The following GPR174 variants were observed in gnomAD, a reference collection of about 807,000 sequenced individuals.
The protein encoded by GPR174 is G protein-coupled receptor 174.
A neutral mutation model predicts 16.5 loss-of-function variants in GPR174; 8 were observed. The ratio of observed to expected loss-of-function variants is 0.48; its 90% CI spans 0.28 to 0.87. The LOEUF is 0.87. GPR174 is among the 40% of genes least tolerant of loss of function. The probability of loss-of-function intolerance (pLI) is 0.09; values close to 1 mark genes in which losing one functional copy is unlikely to be tolerated. For synonymous variants in GPR174, 111 were observed against 94.8 expected (o/e 1.17, Z -0.99); for missense variants, 214 against 247.5 (o/e 0.86, Z 0.91).
intron 1 of GPR174, among the ~76,000 whole-genome samples, chrX:79,156,408 C>G (rs1041269208): frequency 1.8e-5 from 2 of 112,411 alleles, no homozygotes; most frequent in Non-Finnish European, 3.8e-5. Context: ...ATCAATGAAA[C>G]AGTTATGGTC....
intron 2 of GPR174, among the ~76,000 whole-genome samples, chrX:79,166,586 G>A (rs1227638632): frequency 9.3e-6 from 1 of 107,880 alleles, no homozygotes; most frequent in African/African-American, 3.4e-5. Flanking sequence ...TTACAGGCGT[G>A]TGCCACCACA....
intron 1 of GPR174, among the ~76,000 whole-genome samples, chrX:79,145,885 C>T (rs1422217162): frequency 9.0e-6 from 1 of 111,283 alleles, no homozygotes; most frequent in Non-Finnish European, 1.9e-5. Flanking sequence ...GGCACAGTTG[C>T]TCTGTTTTTC....
At chrX:79,148,083 G>A (rs1288507770) in intron 1 of GPR174, among the ~76,000 whole-genome samples, 2 of 111,747 alleles carry the variant, frequency 1.8e-5, no homozygotes, top group Non-Finnish European at 3.8e-5. Context: ...TATGGGTCAA[G>A]AAGTTCACTA....
intron 2 of GPR174, among the ~76,000 whole-genome samples, chrX:79,158,731 C>T (rs754642150): frequency 6.7e-4 from 69 of 103,701 alleles, no homozygotes; most frequent in Middle Eastern, 5.3e-3. Context: ...TGTGAGCCAC[C>T]GCACCCAGCC....
At chrX:79,154,329 T>C (rs763306334) in intron 1 of GPR174, among the ~76,000 whole-genome samples, 1 of 112,281 alleles carries the variant, frequency 8.9e-6, no homozygotes, top group Non-Finnish European at 1.9e-5. Context: ...ATGTCCTGGA[T>C]ACTATCTTCT....
intron 2 of GPR174, among the ~76,000 whole-genome samples, chrX:79,161,967 T>C (rs1179152198): frequency 8.9e-6 from 1 of 112,181 alleles, no homozygotes; most frequent in African/African-American, 3.2e-5. Context: ...TCTTTGATTG[T>C]AATCCAATGT....
At position 79,171,332 on chromosome X, in the gene GPR174, T is replaced by C. The variant is rs1291469573; in HGVS notation, c.325T>C (p.Leu109=). Reference sequence around the variant, plus strand: ...CAACATGTATGCAAGCATCTACTTCTTGGTCTGCATCAGTGTGCGACGATT... The same window carrying C: ...CAACATGTATGCAAGCATCTACTTCCTGGTCTGCATCAGTGTGCGACGATT... The part of the protein sequence containing the change: ...YVNMYASIYF[L]VCISVRRFWF... Residue 109 remains leucine, a synonymous_variant, in exon 3 of 3, where the codon TTG becomes CTG. Coordinates refer to ENST00000645147, the MANE Select transcript of GPR174 (RefSeq NM_032553.3). The C allele has an allele frequency of 8.3e-7, 1 of 1,210,032 alleles. No individual in the cohort carries two copies. The highest frequency in any genetic ancestry group is 1.1e-6 in the Non-Finnish European group (1 of 895,090).
intron 1 of GPR174, among the ~76,000 whole-genome samples, chrX:79,149,728 T>A (rs1926564557): frequency 9.0e-6 from 1 of 110,704 alleles, no homozygotes; most frequent in African/African-American, 3.3e-5. Context: ...CCTGAGTGAG[T>A]GATCATATAT....
intron 2 of GPR174, among the ~76,000 whole-genome samples, chrX:79,166,345 G>A (rs181768186): frequency 6.5e-4 from 69 of 105,535 alleles, no homozygotes; most frequent in African/African-American, 2.1e-3. Flanking sequence ...TTAAACAGTA[G>A]TCAACAAAAT....
intron 1 of GPR174, among the ~76,000 whole-genome samples, chrX:79,150,640 T>G (rs1363615387): frequency 3.6e-5 from 4 of 111,724 alleles, no homozygotes; most frequent in African/African-American, 1.3e-4. Context: ...TAAAAATTTG[T>G]TTTCAAAATA....
chrX:79,163,265 G>A (rs1019907589), intron 2 of GPR174, among the ~76,000 whole-genome samples: 6 of 112,104 alleles, frequency 5.4e-5, no homozygotes, highest in Admixed American at 9.4e-5. Context: ...GAAATAGGGC[G>A]ATTGTCAAAA....
At chrX:79,160,425 T>C (rs1921208798) in intron 2 of GPR174, among the ~76,000 whole-genome samples, 3 of 112,062 alleles carry the variant, frequency 2.7e-5, no homozygotes, top group African/African-American at 9.7e-5. Flanking sequence ...TTTGGATTCT[T>C]GCTTTTTAAT....
chrX:79,158,207 C>G (rs1241910971), intron 2 of GPR174, among the ~76,000 whole-genome samples: 1 of 105,458 alleles, frequency 9.5e-6, no homozygotes, highest in South Asian at 4.4e-4. Context: ...TTAGGCCACC[C>G]CAGTCTTTCT....
chrX:79,167,395 G>A (rs1921400264), intron 2 of GPR174, among the ~76,000 whole-genome samples: 2 of 111,053 alleles, frequency 1.8e-5, no homozygotes, highest in South Asian at 7.5e-4. Flanking sequence ...CCCTGCCTAA[G>A]TAAAAGGAGA....
chrX:79,166,215 T>C (rs996059398), intron 2 of GPR174, among the ~76,000 whole-genome samples: 1 of 111,699 alleles, frequency 9.0e-6, no homozygotes, highest in Non-Finnish European at 1.9e-5. Flanking sequence ...TTTGGCTACA[T>C]GTAATCCTAA....
chrX:79,147,209 C>T (rs753133517), intron 1 of GPR174, among the ~76,000 whole-genome samples: 6 of 111,126 alleles, frequency 5.4e-5, no homozygotes, highest in Middle Eastern at 4.7e-3. Flanking sequence ...GTGACTGGGT[C>T]AAGTATCTCT....
At chrX:79,164,767 G>A (rs6619490) in intron 2 of GPR174, among the ~76,000 whole-genome samples, 7,390 of 111,372 alleles carry the variant, frequency 0.066, 650 homozygotes, top group East Asian at 0.54. Context: ...AACATGCTAC[G>A]AAGATCCAGA....
intron 1 of GPR174, 69 bp downstream of exon 1, chrX:79,145,286 A>G (rs1926477815): frequency 9.1e-6 from 1 of 110,332 alleles, no homozygotes; most frequent in East Asian, 2.8e-4. Flanking sequence ...CTAGAACTGG[A>G]CTCTTCACAC....
intron 1 of GPR174, 83 bp from the exon 2 acceptor site, chrX:79,156,739 C>T (rs1359163175): frequency 8.9e-6 from 1 of 112,173 alleles, no homozygotes. Flanking sequence ...GGGATCTCAG[C>T]ATCCACTTGC....
Sources: allele counts gnomAD v4.1 joint callset (sites outside exome capture counted in the v4.1 genomes callset), GRCh38; gene constraint gnomAD v4.1.1; transcripts MANE v1.5; gene names NCBI Gene and HGNC (gene_info 2026-07-23, HGNC 2026-07-21).